The following CNTN6 variants were observed in gnomAD, a reference collection of about 807,000 sequenced individuals.
CNTN6 encodes the protein contactin-6.
Under a neutral mutation model 122.8 loss-of-function variants are expected in CNTN6, and 137 were observed. The ratio of observed to expected loss-of-function variants is 1.12; its 90% CI spans 0.97 to 1.29. The LOEUF is 1.29. Among genes scored for constraint, CNTN6 ranks in the 50% most tolerant of loss-of-function variants. The pLI is 0.00. For synonymous variants in CNTN6, 570 were observed against 426.0 expected (o/e 1.34, Z -4.16); for missense variants, 1,634 against 1,223.4 (o/e 1.34, Z -5.01).
intron 17 of CNTN6, among the ~76,000 whole-genome samples, chr3:1,377,506 G>A (rs1015596237): frequency 6.6e-6 from 1 of 152,086 alleles, no homozygotes; most frequent in African/African-American, 2.4e-5. Flanking sequence ...TGAAAGCTTA[G>A]GCACATGGAG....
chr3:1,381,550 G>C lies in CNTN6; in HGVS notation c.2167-1392G>C, dbSNP rs370045511. ...CCGGAACATGGTTCATCACTGCTCT[G>C]GGCACTCGGGCACAGGAGCTCTAGG... On this transcript the variant is annotated intron_variant, in intron 17 of 22. Transcript: ENST00000446702. Among the ~76,000 whole-genome samples the C allele has an allele frequency of 2.0e-5, 3 of 152,218 alleles. No individual in the cohort carries two copies. The East Asian group carries it at 5.8e-4, about 30-fold the overall frequency.
chr3:1,384,812 C>CACAT (rs1338541100), intron 19 of CNTN6, among the ~76,000 whole-genome samples: 32 of 118,490 alleles, frequency 2.7e-4, no homozygotes, highest in Admixed American at 7.7e-4. Flanking sequence ...CACACACACA[C>CACAT]ATATATATAT....
At chr3:1,387,105 T>TATC (rs1553711976) in intron 20 of CNTN6, among the ~76,000 whole-genome samples, 19 of 151,230 alleles carry the variant, frequency 1.3e-4, no homozygotes, top group South Asian at 2.1e-4. Context: ...TTCATGTTCT[T>TATC]ATCTATTTAT....
intron 17 of CNTN6, among the ~76,000 whole-genome samples, chr3:1,381,061 A>C (rs1691798593): frequency 6.6e-6 from 1 of 152,148 alleles, no homozygotes; most frequent in African/African-American, 2.4e-5. Flanking sequence ...TAATCTGCAT[A>C]TGTTGGACTC....
At chr3:1,259,657 C>T (rs566610444) in intron 4 of CNTN6, among the ~76,000 whole-genome samples, 1 of 152,204 alleles carries the variant, frequency 6.6e-6, no homozygotes, top group African/African-American at 2.4e-5. Context: ...TCTTTAAATT[C>T]TGGCTCTGTC....
At chr3:1,112,088 C>T (rs2091507558) in intron 1 of CNTN6, among the ~76,000 whole-genome samples, 1 of 152,082 alleles carries the variant, frequency 6.6e-6, no homozygotes, top group Non-Finnish European at 1.5e-5. Context: ...AACCTCTGAA[C>T]TATATTATTC....
At position 1,403,376 on chromosome 3, in the gene CNTN6, C is replaced by A; in HGVS notation, c.3045C>A (p.Val1015=). The change falls in exon 23 of 23, where the codon GTC becomes GTA. Residue 1015 remains valine (V), a synonymous_variant. Transcript: ENST00000446702. The part of the protein sequence containing the change: ...LEPSTHFLSI[V]IVIFHCFAIQ... Reference sequence around the variant, plus strand: ...CTAGCACCCATTTTCTTTCCATTGTCATTGTGATTTTTCACTGTTTTGCTA... The same window carrying A: ...CTAGCACCCATTTTCTTTCCATTGTAATTGTGATTTTTCACTGTTTTGCTA... 6.2e-7 allele frequency: 1 copy of A among 1,611,346 alleles called. No individual in the cohort carries two copies. The highest frequency in any genetic ancestry group is 8.5e-7 in the Non-Finnish European group (1 of 1,178,562).
chr3:1,380,842 T>C (rs571509721), intron 17 of CNTN6, among the ~76,000 whole-genome samples: 52 of 152,348 alleles, frequency 3.4e-4, no homozygotes, highest in African/African-American at 1.2e-3. Context: ...GACACTGTGG[T>C]TGAGAATTAC....
intron 11 of CNTN6, among the ~76,000 whole-genome samples, chr3:1,345,278 G>T (rs746206829): frequency 6.6e-6 from 1 of 151,736 alleles, no homozygotes; most frequent in African/African-American, 2.4e-5. Context: ...CACCATACCC[G>T]CTAATTTTTG....
rs533713550 is a variant in CNTN6 at position 1,130,017 on chromosome 3, T to C, written c.-82-17910T>C. ...TTTAAGAAGTAGTTTAAAAAGCAAA[T>C]CTTTAATTTTTAGTGTGATTTATCT... is the stretch of plus-strand genomic sequence containing the variant. On this transcript the variant is annotated intron_variant, in intron 1 of 22. Coordinates refer to ENST00000446702, the MANE Select transcript of CNTN6 (RefSeq NM_001289080.2). Among the ~76,000 whole-genome samples the C allele has an allele frequency of 4.6e-3, 707 of 152,174 alleles. 4 individuals carry two copies. Among genetic ancestry groups the C allele is most frequent in the South Asian group, 7.3e-3 (35 of 4,824 alleles).
At chr3:1,255,097 C>A (rs535240649) in intron 4 of CNTN6, among the ~76,000 whole-genome samples, 1 of 152,194 alleles carries the variant, frequency 6.6e-6, no homozygotes, top group East Asian at 1.9e-4. Flanking sequence ...ACCATGGTAG[C>A]TGGGTGGGGA....
intron 1 of CNTN6, among the ~76,000 whole-genome samples, chr3:1,142,964 G>A (rs1311168425): frequency 1.0e-5 from 1 of 97,190 alleles, no homozygotes; most frequent in African/African-American, 4.8e-5. Flanking sequence ...TTGTGTGTGT[G>A]TGTGTATATA....
At chr3:1,193,976 T>C (rs547104141) in intron 2 of CNTN6, among the ~76,000 whole-genome samples, 178 of 152,208 alleles carry the variant, frequency 1.2e-3, no homozygotes, top group African/African-American at 4.1e-3. Flanking sequence ...ATCTATGTTT[T>C]TTTTCCCCAA....
intron 1 of CNTN6, among the ~76,000 whole-genome samples, chr3:1,103,061 G>A (rs893037955): frequency 1.1e-4 from 16 of 151,848 alleles, no homozygotes; most frequent in African/African-American, 2.2e-4. Flanking sequence ...AGCCAAGATG[G>A]CGCCACCGCA....
intron 11 of CNTN6, among the ~76,000 whole-genome samples, chr3:1,337,769 A>G (rs1433278850): frequency 6.6e-6 from 1 of 152,120 alleles, no homozygotes. Flanking sequence ...GAGCCTTTCC[A>G]AGGGAATACA....
At chr3:1,139,978 C>T (rs1414483638) in intron 1 of CNTN6, among the ~76,000 whole-genome samples, 1 of 152,100 alleles carries the variant, frequency 6.6e-6, no homozygotes, top group Non-Finnish European at 1.5e-5. Context: ...CTCAAGGACT[C>T]AAATATAGAA....
At chr3:1,130,525 T>C (rs1320683819) in intron 1 of CNTN6, among the ~76,000 whole-genome samples, 2 of 152,120 alleles carry the variant, frequency 1.3e-5, no homozygotes, top group Non-Finnish European at 2.9e-5. Context: ...TCCTGAGCAT[T>C]GTTCTGCACC....
chr3:1,282,166 T>G (rs887113936), intron 5 of CNTN6, among the ~76,000 whole-genome samples: 1 of 152,148 alleles, frequency 6.6e-6, no homozygotes, highest in African/African-American at 2.4e-5. Context: ...AACAGAGTAA[T>G]CAACAGAAAC....
chr3:1,337,393 T>G (rs993246050), intron 11 of CNTN6, among the ~76,000 whole-genome samples: 1 of 152,102 alleles, frequency 6.6e-6, no homozygotes, highest in African/African-American at 2.4e-5. Context: ...TGCTTTTGCC[T>G]TTACCCCCAA....
Sources: allele counts gnomAD v4.1 joint callset (sites outside exome capture counted in the v4.1 genomes callset), GRCh38; gene constraint gnomAD v4.1.1; transcripts MANE v1.5; gene names NCBI Gene and HGNC (gene_info 2026-07-23, HGNC 2026-07-21).